Variants in SYNE1 observed in about 807,000 individuals in gnomAD.
The protein encoded by SYNE1 is nesprin-1.
A neutral mutation model predicts 1,111.0 loss-of-function variants in SYNE1; 616 were observed. The observed-to-expected ratio is 0.55, with a 90% CI of 0.52 to 0.59. SYNE1 has a LOEUF of 0.59. Ranked by LOEUF, SYNE1 falls within the 20% of genes least tolerant of loss-of-function variation. SYNE1 has a pLI of 0.00. For missense variants in SYNE1, 10,006 were observed against 10,417.0 expected (o/e 0.96, Z 1.72); for synonymous variants, 3,855 against 3,825.8 (o/e 1.01, Z -0.28).
chr6:152,564,328 T>G (rs939541815), intron 3 of SYNE1, among the ~76,000 whole-genome samples: 3 of 152,184 alleles, frequency 2.0e-5, no homozygotes, highest in Admixed American at 1.3e-4. Context: ...TGGTTTGGTT[T>G]TGGTTTGAGA....
At position 152,447,719 on chromosome 6, in the gene SYNE1, G is replaced by A. The variant is rs552508328; in HGVS notation, c.3505-97C>T. The A allele has an allele frequency of 2.9e-6, 4 of 1,392,826 alleles. No individual in the cohort carries two copies. The African/African-American group carries it at 4.2e-5, about 15-fold the overall frequency. The allele number at this position is 1,392,826 out of a possible 1,614,324, so 86.3% of individuals were successfully genotyped here. On this transcript the variant is annotated intron_variant, in intron 28 of 145. Coordinates refer to ENST00000367255, the MANE Select transcript of SYNE1 (RefSeq NM_182961.4). ...CAGCCTAAAAAGGTTTGCAGGTGGAGCAGAATAGAGCCAGACATCATTCAG... is the reference window on the plus strand; with the variant it reads ...CAGCCTAAAAAGGTTTGCAGGTGGAACAGAATAGAGCCAGACATCATTCAG...
chr6:152,559,863 C>T (rs1195075903), intron 3 of SYNE1, among the ~76,000 whole-genome samples: 6 of 151,914 alleles, frequency 3.9e-5, no homozygotes, highest in African/African-American at 1.5e-4. Flanking sequence ...AAAAGATAAA[C>T]ACAATTACAA....
chr6:152,167,239 C>T (rs1469926094), intron 130 of SYNE1, among the ~76,000 whole-genome samples: 1 of 152,118 alleles, frequency 6.6e-6, no homozygotes, highest in African/African-American at 2.4e-5. Flanking sequence ...TATACAAACA[C>T]ACATAAATAT....
At chr6:152,260,230 C>T (rs1309267465) in intron 101 of SYNE1, among the ~76,000 whole-genome samples, 1 of 152,134 alleles carries the variant, frequency 6.6e-6, no homozygotes, top group Admixed American at 6.5e-5. Flanking sequence ...ACTGTACATA[C>T]CTCTCCTATT....
At chr6:152,260,166 C>G (rs528772769) in intron 101 of SYNE1, among the ~76,000 whole-genome samples, 1 of 152,248 alleles carries the variant, frequency 6.6e-6, no homozygotes, top group African/African-American at 2.4e-5. Context: ...CTAGAAATAT[C>G]GTAGATTTCT....
At chr6:152,299,395 A>G (rs2095053506) in intron 93 of SYNE1, among the ~76,000 whole-genome samples, 1 of 152,214 alleles carries the variant, frequency 6.6e-6, no homozygotes. Flanking sequence ...CAAATTCCCC[A>G]CGGCTCCCTG....
intron 128 of SYNE1, among the ~76,000 whole-genome samples, chr6:152,187,122 T>C (rs907882906): frequency 2.0e-5 from 3 of 152,180 alleles, no homozygotes; most frequent in Non-Finnish European, 4.4e-5. Flanking sequence ...AGTAGCCAAA[T>C]TCATTTTGAA....
intron 119 of SYNE1, among the ~76,000 whole-genome samples, chr6:152,219,903 T>A (rs965208241): frequency 1.3e-5 from 2 of 152,248 alleles, no homozygotes; most frequent in Non-Finnish European, 2.9e-5. Flanking sequence ...GACTGCTTCT[T>A]CTACCTGTTG....
Position 152,275,754 on chromosome 6 carries a change from G to A in SYNE1, c.18573+2335C>T, listed in dbSNP as rs184276370. Among the ~76,000 whole-genome samples the A allele has an allele frequency of 6.8e-4, 103 of 151,346 alleles. 1 individual carries two copies. Among genetic ancestry groups the A allele is most frequent in the African/African-American group, 2.4e-3 (99 of 41,230 alleles). On this transcript the variant is annotated intron_variant, in intron 98 of 145. Coordinates refer to ENST00000367255, the MANE Select transcript of SYNE1 (RefSeq NM_182961.4). ...AAAATTAGCTAGGCAGGTGGTGCGC[G>A]CCTATAGTCCCAGCTACTCAGGAGG...
intron 3 of SYNE1, 131 bp downstream of exon 3, chr6:152,628,134 T>C: frequency 1.1e-6 from 1 of 939,430 alleles, no homozygotes; most frequent in African/African-American, 1.6e-5. Flanking sequence ...TTGAAAACAC[T>C]GGAATAAAGA....
chr6:152,302,165 G>A (rs2095207352), intron 91 of SYNE1, 102 bp from the exon 92 acceptor site: 1 of 1,514,854 alleles, frequency 6.6e-7, no homozygotes, highest in Non-Finnish European at 9.1e-7. Flanking sequence ...AGCGCGCAGA[G>A]CCGCGCGGGC....
At position 152,396,624 on chromosome 6, in the gene SYNE1, C is replaced by A. The variant is rs1156302130; in HGVS notation, c.7556+151G>T. The stretch of plus-strand genomic sequence containing the variant: ...TCAGAGTCCGAAAAATTGATTATTG[C>A]CCTAGTATCACCTGTATTTATGATC... On this transcript the variant is annotated intron_variant, in intron 50 of 145. Transcript: ENST00000367255. The A allele has an allele frequency of 5.0e-6, 4 of 797,324 alleles. No homozygotes were observed. The Admixed American group carries it at 7.2e-5, about 14-fold the overall frequency. The allele number at this position is 797,324 out of a possible 1,614,324, so 49.4% of individuals were successfully genotyped here. A position where few individuals can be genotyped will look rare whatever the true frequency, so the allele number is the denominator to read the frequency against.
chr6:152,400,792 A>T (rs2097801629), intron 47 of SYNE1, among the ~76,000 whole-genome samples: 1 of 152,322 alleles, frequency 6.6e-6, no homozygotes, highest in South Asian at 2.1e-4. Flanking sequence ...GTGATGAAAA[A>T]CTATTGGATA....
chr6:152,155,793 A>G, intron 132 of SYNE1, 117 bp downstream of exon 132: 2 of 1,250,726 alleles, frequency 1.6e-6, no homozygotes, highest in Non-Finnish European at 2.3e-6. Flanking sequence ...TTGGGAAGCC[A>G]CAGCTATTTT....
chr6:152,410,005 A>G (rs2097993171), intron 42 of SYNE1, among the ~76,000 whole-genome samples: 1 of 152,228 alleles, frequency 6.6e-6, no homozygotes, highest in South Asian at 2.1e-4. Context: ...TTGCCAACTC[A>G]AACTTACATA....
intron 19 of SYNE1, 54 bp from the exon 20 acceptor site, chr6:152,462,944 T>C (rs949659691): frequency 7.5e-6 from 12 of 1,598,052 alleles, no homozygotes; most frequent in Non-Finnish European, 9.4e-6. Flanking sequence ...CTGCGACCAC[T>C]GGAACCACAA....
intron 14 of SYNE1, 55 bp downstream of exon 14, chr6:152,483,030 C>A: frequency 6.2e-7 from 1 of 1,608,720 alleles, no homozygotes; most frequent in South Asian, 1.1e-5. Flanking sequence ...TAGGCTACCT[C>A]TCCAGACCAC....
At chr6:152,459,032 C>A in intron 21 of SYNE1, 102 bp from the exon 22 acceptor site, 1 of 983,224 alleles carries the variant, frequency 1.0e-6, no homozygotes, top group South Asian at 1.4e-5. Flanking sequence ...GTGACATGAT[C>A]ATTTGGTGCT....
At chr6:152,427,336 A>G (rs2098375065) in intron 38 of SYNE1, among the ~76,000 whole-genome samples, 1 of 152,194 alleles carries the variant, frequency 6.6e-6, no homozygotes, top group Admixed American at 6.5e-5. Context: ...GATTATACCT[A>G]TTTCCAGCCT....
Sources: allele counts gnomAD v4.1 joint callset (sites outside exome capture counted in the v4.1 genomes callset), GRCh38; gene constraint gnomAD v4.1.1; transcripts MANE v1.5; gene names NCBI Gene and HGNC (gene_info 2026-07-23, HGNC 2026-07-21).